Variants in SGCG observed in about 807,000 individuals in gnomAD.
The protein encoded by SGCG is sarcoglycan gamma.
In SGCG, 26 loss-of-function variants were observed where a neutral mutation model predicts 29.3. That is an observed-to-expected ratio of 0.89 (90% CI 0.65 to 1.23). The LOEUF is 1.23. Among genes scored for constraint, SGCG ranks in the 50% most tolerant of loss-of-function variants. The pLI, the probability that SGCG is intolerant of heterozygous loss-of-function variation, is 0.00. For synonymous variants in SGCG, 145 were observed against 129.7 expected (o/e 1.12, Z -0.80); for missense variants, 353 against 356.0 (o/e 0.99, Z 0.07).
At chr13:23,310,984 A>G (rs1408620498) in intron 6 of SGCG, among the ~76,000 whole-genome samples, 2 of 152,112 alleles carry the variant, frequency 1.3e-5, no homozygotes, top group African/African-American at 2.4e-5. Flanking sequence ...ACATTTTGTA[A>G]TGTCCACTGC....
intron 3 of SGCG, among the ~76,000 whole-genome samples, chr13:23,239,507 T>C (rs901506351): frequency 6.6e-6 from 1 of 152,148 alleles, no homozygotes; most frequent in East Asian, 1.9e-4. Flanking sequence ...AATATGATGC[T>C]AGAAGAAAAA....
Position 23,234,713 on chromosome 13 carries a change from G to GT in SGCG, c.297+2dup. On this transcript the variant is annotated splice_donor_variant, in intron 3 of 7. Coordinates refer to ENST00000218867, the MANE Select transcript of SGCG (RefSeq NM_000231.3). LOFTEE classifies it high-confidence loss of function. ...TGCCAAAGAAATACACTCCAGAGTG[G>GT]TAAGAAAATGTTAAGACAAATAATT... 6.5e-7 allele frequency: 1 copy of GT among 1,534,418 alleles called. No individual in the cohort carries two copies. Among genetic ancestry groups the GT allele is most frequent in the South Asian group, 1.1e-5 (1 of 89,220 alleles).
At chr13:23,207,966 G>A (rs1878044671) in intron 2 of SGCG, among the ~76,000 whole-genome samples, 1 of 152,040 alleles carries the variant, frequency 6.6e-6, no homozygotes, top group Non-Finnish European at 1.5e-5. Context: ...CCAAAAGAAT[G>A]GAAACCAATT....
chr13:23,299,423 TATATATATATATATATATATATATA>T (rs1882038059), intron 6 of SGCG, among the ~76,000 whole-genome samples: 2 of 3,408 alleles, frequency 5.9e-4, no homozygotes, highest in Non-Finnish European at 9.0e-4. Flanking sequence ...TATATATATA[TATATATATATATATATATATATATA>T]TATATATATT....
At chr13:23,262,129 A>G (rs1348625731) in intron 4 of SGCG, among the ~76,000 whole-genome samples, 1 of 152,020 alleles carries the variant, frequency 6.6e-6, no homozygotes, top group African/African-American at 2.4e-5. Flanking sequence ...GTAACAATCA[A>G]CATGATAACT....
intron 3 of SGCG, among the ~76,000 whole-genome samples, chr13:23,248,552 G>A (rs542800234): frequency 4.0e-5 from 6 of 151,562 alleles, no homozygotes; most frequent in Non-Finnish European, 7.4e-5. Flanking sequence ...AAAATTAGCC[G>A]GCGTGGCAGC....
upstream of SGCG, among the ~76,000 whole-genome samples, chr13:23,176,294 C>A (rs190422535): frequency 5.9e-5 from 9 of 152,100 alleles, 1 homozygote; most frequent in African/African-American, 1.9e-4. Flanking sequence ...AGACATTGAA[C>A]AAAGAGTTTA....
chr13:23,164,808 C>T, the SGCG span, among the ~76,000 whole-genome samples: 1 of 152,194 alleles, frequency 6.6e-6, no homozygotes, highest in African/African-American at 2.4e-5. Context: ...CCCTACCACT[C>T]ACAGCAGATG....
intron 1 of SGCG, among the ~76,000 whole-genome samples, chr13:23,201,444 C>A (rs1877758416): frequency 6.6e-6 from 1 of 151,948 alleles, no homozygotes; most frequent in Admixed American, 6.6e-5. Flanking sequence ...TCCGGGCAAG[C>A]CCAGTGTTAT....
chr13:23,182,690 G>C (rs578247451), intron 1 of SGCG, among the ~76,000 whole-genome samples: 3 of 152,144 alleles, frequency 2.0e-5, no homozygotes, highest in Non-Finnish European at 4.4e-5. Context: ...TTTGTGAATG[G>C]TAAAGGTCTC....
At chr13:23,227,325 AAAAAC>A (rs199925984) in intron 2 of SGCG, among the ~76,000 whole-genome samples, 37,165 of 147,454 alleles carry the variant, frequency 0.25, 4,759 homozygotes, top group East Asian at 0.38. Context: ...GAAAAAAAAA[AAAAAC>A]AAAAACCTGG....
chr13:23,206,853 A>G (rs1877999122), intron 2 of SGCG, among the ~76,000 whole-genome samples: 1 of 152,218 alleles, frequency 6.6e-6, no homozygotes, highest in Non-Finnish European at 1.5e-5. Context: ...ATGTTCATCA[A>G]TTGCAAGACT....
chr13:23,219,052 TG>T (rs199986214), intron 2 of SGCG, among the ~76,000 whole-genome samples: 13,045 of 147,744 alleles, frequency 0.088, 741 homozygotes, highest in Middle Eastern at 0.15. Flanking sequence ...TTTTATGGGT[TG>T]TTTTTTTTTC....
intron 6 of SGCG, among the ~76,000 whole-genome samples, chr13:23,302,853 T>A (rs1317116155): frequency 6.6e-6 from 1 of 152,144 alleles, no homozygotes; most frequent in Non-Finnish European, 1.5e-5. Flanking sequence ...TAAGTAGATG[T>A]CCCAAGGAGC....
chr13:23,258,865 G>T lies in SGCG; in HGVS notation c.385+8148G>T, dbSNP rs1329209753. Among the ~76,000 whole-genome samples the T allele has an allele frequency of 3.9e-5, 6 of 152,110 alleles. No individual in the cohort carries two copies. In the East Asian group the frequency reaches 1.2e-3, roughly 29 times the overall value. On this transcript the variant is annotated intron_variant, in intron 4 of 7. Transcript: ENST00000218867. ...GGATTACGTTTAATGATTTGCATAT[G>T]TTGAACCAATCTTGCATCCCAGGGA... is the stretch of plus-strand genomic sequence containing the variant.
chr13:23,186,102 C>A (rs1876961092), intron 1 of SGCG, among the ~76,000 whole-genome samples: 1 of 152,180 alleles, frequency 6.6e-6, no homozygotes, highest in South Asian at 2.1e-4. Flanking sequence ...ACCGCCTTCA[C>A]CTACCCATTC....
intron 4 of SGCG, among the ~76,000 whole-genome samples, chr13:23,269,897 C>T (rs1186888876): frequency 1.7e-5 from 2 of 114,834 alleles, no homozygotes; most frequent in East Asian, 2.5e-4. Flanking sequence ...TTTTTTGAGG[C>T]GGAGTCTCCC....
chr13:23,222,777 G>C (rs1345907924), intron 2 of SGCG, among the ~76,000 whole-genome samples: 1 of 152,168 alleles, frequency 6.6e-6, no homozygotes, highest in Non-Finnish European at 1.5e-5. Context: ...GCAGTGGGCT[G>C]AGATCATGCC....
At chr13:23,212,275 G>A (rs982543143) in intron 2 of SGCG, among the ~76,000 whole-genome samples, 2 of 152,144 alleles carry the variant, frequency 1.3e-5, no homozygotes, top group Non-Finnish European at 2.9e-5. Context: ...CAGGGTCTCA[G>A]CTCAAAATGA....
Sources: gnomAD v4.1 joint callset for allele counts (sites outside exome capture counted in the v4.1 genomes callset) on GRCh38, gnomAD v4.1.1 for gene constraint, MANE v1.5 for transcripts, NCBI Gene and HGNC (gene_info 2026-07-23, HGNC 2026-07-21) for gene names.